GALNT7: variants seen among roughly 807,000 people sequenced by gnomAD.
GALNT7 encodes polypeptide N-acetylgalactosaminyltransferase 7.
A neutral mutation model predicts 82.1 loss-of-function variants in GALNT7; 60 were observed. The ratio of observed to expected loss-of-function variants is 0.73; its 90% confidence interval spans 0.59 to 0.91. GALNT7 has a LOEUF of 0.91. Ranked by LOEUF, GALNT7 falls within the 40% of genes least tolerant of loss-of-function variation. The pLI is 0.00. For missense variants in GALNT7, 660 were observed against 804.2 expected (o/e 0.82, Z 2.17); for synonymous variants, 243 against 275.1 (o/e 0.88, Z 1.15).
At chr4:173,265,615 C>CTCTCTG (rs1355124208) in intron 2 of GALNT7, among the ~76,000 whole-genome samples, 1 of 141,028 alleles carries the variant, frequency 7.1e-6, no homozygotes, top group Non-Finnish European at 1.5e-5. Context: ...CTCTCTCTCT[C>CTCTCTG]TCTCTGTCTC....
intron 2 of GALNT7, among the ~76,000 whole-genome samples, chr4:173,252,341 G>A (rs1046182015): frequency 6.6e-6 from 1 of 152,150 alleles, no homozygotes; most frequent in Non-Finnish European, 1.5e-5. Context: ...TTGTTCTCCT[G>A]CCTCTGTCTG....
intron 2 of GALNT7, among the ~76,000 whole-genome samples, chr4:173,261,625 T>C (rs1037110801): frequency 6.6e-6 from 1 of 152,076 alleles, no homozygotes; most frequent in African/African-American, 2.4e-5. Context: ...GAGACCAGCC[T>C]GGCCAACATG....
rs1426266548 is a variant in GALNT7 at position 173,168,964 on chromosome 4, G to T, written c.126+3G>T. 1.2e-6 allele frequency: 2 copies of T among 1,612,016 alleles called. No individual in the cohort carries two copies. The highest frequency in any genetic ancestry group is 1.7e-6 in the Non-Finnish European group (2 of 1,179,030). ...CAAGCCCGCTGAGCAGGATGAGGGT[G>T]AGTGACCCGCCCGGCCCCCTCCGGC... On this transcript the variant is annotated splice_donor_region_variant and intron_variant, in intron 1 of 11. Transcript: ENST00000265000.
intron 1 of GALNT7, among the ~76,000 whole-genome samples, chr4:173,194,855 G>A (rs901554751): frequency 1.3e-5 from 2 of 152,028 alleles, no homozygotes; most frequent in African/African-American, 4.8e-5. Context: ...ATTTAATCTG[G>A]TTTTCAGCCA....
At chr4:173,196,109 A>G (rs2126645887) in intron 1 of GALNT7, among the ~76,000 whole-genome samples, 2 of 151,146 alleles carry the variant, frequency 1.3e-5, no homozygotes, top group African/African-American at 4.8e-5. Context: ...TTAATACAGA[A>G]GGGAGTTTTA....
intron 2 of GALNT7, among the ~76,000 whole-genome samples, chr4:173,258,115 A>G (rs1025995037): frequency 1.3e-5 from 2 of 152,278 alleles, no homozygotes; most frequent in Admixed American, 6.5e-5. Context: ...CAACTACTTA[A>G]GAAAGCAGCC....
At chr4:173,247,937 T>C in intron 1 of GALNT7, 43 bp from the exon 2 acceptor site, 1 of 1,307,994 alleles carries the variant, frequency 7.6e-7, no homozygotes, top group Middle Eastern at 2.4e-4. Flanking sequence ...CTGTGGTGGT[T>C]TGCCTTCATG....
intron 2 of GALNT7, among the ~76,000 whole-genome samples, chr4:173,264,717 G>T (rs1047613276): frequency 1.3e-5 from 2 of 152,112 alleles, no homozygotes; most frequent in African/African-American, 4.8e-5. Context: ...AAGTTTTTCT[G>T]TGTTTCTACA....
At chr4:173,169,112 T>C (rs1213543690) in intron 1 of GALNT7, 151 bp downstream of exon 1, 2 of 516,662 alleles carry the variant, frequency 3.9e-6, no homozygotes, top group African/African-American at 2.0e-5. Flanking sequence ...GCCGAGGGGG[T>C]GCCGAGCCCC....
At chr4:173,262,158 G>C (rs1457085810) in intron 2 of GALNT7, among the ~76,000 whole-genome samples, 1 of 152,122 alleles carries the variant, frequency 6.6e-6, no homozygotes, top group African/African-American at 2.4e-5. Flanking sequence ...ACTCAGATAT[G>C]TAATTGCAAA....
intron 1 of GALNT7, among the ~76,000 whole-genome samples, chr4:173,176,596 G>A (rs935151744): frequency 1.3e-5 from 2 of 152,204 alleles, no homozygotes; most frequent in Non-Finnish European, 2.9e-5. Context: ...GACAAAAACT[G>A]TATTAGTTAA....
At chr4:173,245,695 A>G (rs976785307) in intron 1 of GALNT7, among the ~76,000 whole-genome samples, 20 of 152,326 alleles carry the variant, frequency 1.3e-4, no homozygotes, top group African/African-American at 4.6e-4. Context: ...CACTAACATA[A>G]GTAAGTATAA....
intron 1 of GALNT7, among the ~76,000 whole-genome samples, chr4:173,193,807 A>C (rs1459566251): frequency 6.6e-6 from 1 of 152,198 alleles, no homozygotes; most frequent in Admixed American, 6.5e-5. Flanking sequence ...TCCTTTCTAA[A>C]GAATATGAAA....
At position 173,302,229 on chromosome 4, in the gene GALNT7, A is replaced by C. The variant is rs1736968329; in HGVS notation, c.1266+65A>C. 1 of 799,982 alleles carries C rather than the reference A, an allele frequency of 1.3e-6. No individual in the cohort carries two copies. Among genetic ancestry groups the C allele is most frequent in the Admixed American group, 2.0e-5 (1 of 50,436 alleles). The allele number at this position is 799,982 out of a possible 1,614,324, so 49.6% of individuals were successfully genotyped here. ...TACTAACTTCTGTGGCTTTCAGATA[A>C]AGCTAGTTTTTTGTGGGGGAAAAAA... On this transcript the variant is annotated intron_variant, in intron 7 of 11. Coordinates refer to ENST00000265000, the MANE Select transcript of GALNT7 (RefSeq NM_017423.3). The surrounding 1 kb of genome is among the most constrained non-coding windows in gnomAD (Gnocchi z 4.2).
intron 8 of GALNT7, among the ~76,000 whole-genome samples, chr4:173,308,105 C>T (rs1737227129): frequency 1.3e-5 from 2 of 152,180 alleles, no homozygotes; most frequent in Non-Finnish European, 2.9e-5. Flanking sequence ...TGATCCTGTC[C>T]TATGTAGATA....
At chr4:173,297,849 T>A (rs1488433097) in intron 5 of GALNT7, 9 of 1,489,696 alleles carry the variant, frequency 6.0e-6, no homozygotes, top group Non-Finnish European at 8.0e-6. Context: ...ATTATTCCAT[T>A]GAACCACAGC....
At chr4:173,199,131 G>T (rs71609816) in intron 1 of GALNT7, among the ~76,000 whole-genome samples, 2 of 151,980 alleles carry the variant, frequency 1.3e-5, no homozygotes, top group African/African-American at 4.8e-5. Context: ...AATCTTTTTC[G>T]AGCATTATGT....
At chr4:173,228,324 G>A (rs1252970783) in intron 1 of GALNT7, among the ~76,000 whole-genome samples, 1 of 88,790 alleles carries the variant, frequency 1.1e-5, no homozygotes, top group African/African-American at 3.2e-5. Context: ...TATTATTTTT[G>A]CATATTTGAG....
At chr4:173,288,905 G>A (rs1736436535) in intron 2 of GALNT7, among the ~76,000 whole-genome samples, 1 of 151,868 alleles carries the variant, frequency 6.6e-6, no homozygotes, top group South Asian at 2.1e-4. Flanking sequence ...TTGTCAGTTG[G>A]TGTCTTAGTA....
Sources: gnomAD v4.1 joint callset for allele counts (sites outside exome capture counted in the v4.1 genomes callset) on GRCh38, gnomAD v4.1.1 for gene constraint, Gnocchi (gnomAD v3.1) non-coding constraint, MANE v1.5 for transcripts, NCBI Gene and HGNC (gene_info 2026-07-23, HGNC 2026-07-21) for gene names.